The following FLNB variants were observed in gnomAD, a reference collection of about 807,000 sequenced individuals.
The protein encoded by FLNB is filamin-B.
Under a neutral mutation model 250.6 loss-of-function variants are expected in FLNB, and 111 were observed. That is an observed-to-expected ratio of 0.44 (90% CI 0.38 to 0.52). FLNB has a LOEUF of 0.52. Ranked by LOEUF, FLNB falls within the 20% of genes least tolerant of loss-of-function variation. The pLI is 0.00. For missense variants in FLNB, 2,869 were observed against 3,447.8 expected (o/e 0.83, Z 4.20); for synonymous variants, 1,302 against 1,372.1 (o/e 0.95, Z 1.13).
At chr3:58,166,997 G>A (rs1424988472) in intron 43 of FLNB, among the ~76,000 whole-genome samples, 2 of 152,014 alleles carry the variant, frequency 1.3e-5, no homozygotes, top group Non-Finnish European at 2.9e-5. Flanking sequence ...GCATGGTGGC[G>A]AGTGCCTGTA....
rs376511120 is a variant in FLNB, at chr3:58,121,312, G to A, written c.2935G>A (p.Val979Met). 196 of 1,614,176 alleles carry A rather than the reference G, an allele frequency of 1.2e-4. No individual in the cohort carries two copies. In the South Asian group the frequency reaches 1.3e-3, roughly 11 times the overall value. Reference protein sequence around the residue: ...RGAGGQGKLDVTILSPSRKVV... With the variant: ...RGAGGQGKLDMTILSPSRKVV... The stretch of plus-strand genomic sequence containing the variant: ...GGCAGGAGGCCAGGGGAAGCTGGAC[G>A]TGACAATCCTCAGCCCCTCTCGGAA... Residue 979 changes from valine to methionine, a missense_variant, in exon 20 of 46, where the codon GTG (valine) becomes ATG (methionine). Coordinates refer to ENST00000295956, the MANE Select transcript of FLNB (RefSeq NM_001457.4).
chr3:58,056,455 A>G (rs1199380757), intron 1 of FLNB, among the ~76,000 whole-genome samples: 2 of 152,042 alleles, frequency 1.3e-5, no homozygotes, highest in Non-Finnish European at 2.9e-5. Flanking sequence ...TATCAAATAC[A>G]ATGAAACACA....
chr3:58,147,193 G>T (rs1214738816), intron 34 of FLNB, among the ~76,000 whole-genome samples, 200 bp downstream of exon 34: 1 of 152,242 alleles, frequency 6.6e-6, no homozygotes, highest in Non-Finnish European at 1.5e-5. Context: ...CCAGGAAAAT[G>T]CGAGAGCTAG....
At chr3:58,049,195 T>A (rs899191483) in intron 1 of FLNB, among the ~76,000 whole-genome samples, 2 of 152,208 alleles carry the variant, frequency 1.3e-5, no homozygotes, top group African/African-American at 4.8e-5. Flanking sequence ...TAAATTAATA[T>A]GTAACTGATA....
intron 39 of FLNB, 72 bp downstream of exon 39, chr3:58,153,713 C>CT: frequency 6.4e-7 from 1 of 1,563,352 alleles, no homozygotes; most frequent in Non-Finnish European, 8.8e-7. Flanking sequence ...CACCCACATA[C>CT]TTTTTTGCCC....
chr3:58,055,455 G>C (rs1298408018), intron 1 of FLNB, among the ~76,000 whole-genome samples: 2 of 152,314 alleles, frequency 1.3e-5, no homozygotes, highest in African/African-American at 4.8e-5. Context: ...TGACTTCCAA[G>C]AGTCTGCGTG....
chr3:58,107,250 C>G (rs916911206), intron 12 of FLNB, among the ~76,000 whole-genome samples: 1 of 152,048 alleles, frequency 6.6e-6, no homozygotes, highest in Non-Finnish European at 1.5e-5. Flanking sequence ...AGGCTGGTCT[C>G]GAACTCCTGG....
At chr3:58,056,093 ATTTATTTATTTATTTT>A (rs1220543455) in intron 1 of FLNB, among the ~76,000 whole-genome samples, 10 of 131,246 alleles carry the variant, frequency 7.6e-5, no homozygotes, top group South Asian at 2.2e-4. Context: ...TTATTTATTT[ATTTATTTATTTATTTT>A]TTTTTTTTTT....
At chr3:58,120,292 C>G (rs1553700239) in intron 19 of FLNB, among the ~76,000 whole-genome samples, 1 of 152,222 alleles carries the variant, frequency 6.6e-6, no homozygotes, top group Non-Finnish European at 1.5e-5. Context: ...TCACTCCTTT[C>G]CCCAAGACAC....
In FLNB at chr3:58,159,606, G is replaced by A. The variant is rs1159876603; in HGVS notation, c.6941G>A (p.Gly2314Asp). ...GCATCCTTTGCTATAAGGTTGAATG[G>A]CGCAAAAGGCAAGATTGATGCAAAG... ...QPASFAIRLN[G>D]AKGKIDAKVH... is the part of the protein sequence containing the mutation. The change falls in exon 42 of 46, where the codon GGC becomes GAC. Residue 2314 changes from glycine (G) to aspartate (D), a missense_variant. Gly to Asp is a moderately conservative substitution (Grantham distance 94). Coordinates refer to ENST00000295956, the MANE Select transcript of FLNB (RefSeq NM_001457.4). 7 of 1,613,940 alleles carry A rather than the reference G, an allele frequency of 4.3e-6. No homozygotes were observed. The highest frequency in any genetic ancestry group is 5.1e-6 in the Non-Finnish European group (6 of 1,180,010).
At chr3:58,109,817 A>G (rs188482192) in intron 15 of FLNB, 118 bp downstream of exon 15, 2 of 1,453,248 alleles carry the variant, frequency 1.4e-6, no homozygotes, top group Non-Finnish European at 1.9e-6. Flanking sequence ...GTAATCATCT[A>G]CTGAGCCTCT....
intron 25 of FLNB, 55 bp downstream of exon 25, chr3:58,130,963 C>T: frequency 1.9e-6 from 3 of 1,539,744 alleles, no homozygotes; most frequent in Non-Finnish European, 2.7e-6. Context: ...GCAGGGGCAG[C>T]TGTAACCCAG....
intron 8 of FLNB, among the ~76,000 whole-genome samples, chr3:58,100,373 A>AAAAAAAAAAATATATATATATATATAT: frequency 4.8e-5 from 5 of 104,384 alleles, no homozygotes; most frequent in African/African-American, 2.3e-4. Context: ...GTAAAAAAAA[A>AAAAAAAAAAATATATATATATATATAT]ATATATATAT....
At chr3:58,009,555 G>A (rs2097095383) in intron 1 of FLNB, among the ~76,000 whole-genome samples, 1 of 152,166 alleles carries the variant, frequency 6.6e-6, no homozygotes, top group Admixed American at 6.5e-5. Flanking sequence ...AACAGTAATT[G>A]CTGTCTTGTA....
chr3:58,079,255 AT>A (rs11373019), intron 3 of FLNB, among the ~76,000 whole-genome samples: 77 of 146,220 alleles, frequency 5.3e-4, no homozygotes, highest in Admixed American at 6.8e-4. Context: ...AGGACTTAAA[AT>A]TTTTTTTTTT....
Position 58,148,186 on chromosome 3 carries a change from T to A in FLNB, c.5729-20T>A. On this transcript the variant is annotated intron_variant, in intron 34 of 45. Coordinates refer to ENST00000295956, the MANE Select transcript of FLNB (RefSeq NM_001457.4). ...GGTAACCACATGTAACGGGAGTCCT[T>A]TTTGGGGGATGTTTCCCAGATGACA... is the stretch of plus-strand genomic sequence containing the variant. The A allele has an allele frequency of 6.2e-7, 1 of 1,614,006 alleles. No homozygotes were observed. The highest frequency in any genetic ancestry group is 8.5e-7 in the Non-Finnish European group (1 of 1,179,912).
Position 58,146,803 on chromosome 3 carries a change from C to T in FLNB, c.5555-17C>T. ...ACTCTCTCCCTAACACCCCTGCATC[C>T]CTGTTCCCACTTGTAGGTGGTCTGG... On this transcript the variant is annotated splice_polypyrimidine_tract_variant and intron_variant, in intron 33 of 45. Coordinates refer to ENST00000295956, the MANE Select transcript of FLNB (RefSeq NM_001457.4). 1 of 1,614,068 alleles carries T rather than the reference C, an allele frequency of 6.2e-7. No homozygotes were observed. Among genetic ancestry groups the T allele is most frequent in the Non-Finnish European group, 8.5e-7 (1 of 1,179,928 alleles).
At chr3:58,053,194 A>T (rs1317678827) in intron 1 of FLNB, among the ~76,000 whole-genome samples, 1 of 152,226 alleles carries the variant, frequency 6.6e-6, no homozygotes, top group African/African-American at 2.4e-5. Flanking sequence ...CCCTTAAAAA[A>T]TGTGATAAAC....
At chr3:58,063,942 T>C (rs2097181869) in intron 1 of FLNB, among the ~76,000 whole-genome samples, 1 of 152,088 alleles carries the variant, frequency 6.6e-6, no homozygotes, top group South Asian at 2.1e-4. Context: ...CATAGCCTAA[T>C]ATGAGGGACA....
Sources: gnomAD v4.1 joint callset for allele counts (sites outside exome capture counted in the v4.1 genomes callset) on GRCh38, gnomAD v4.1.1 for gene constraint, MANE v1.5 for transcripts, NCBI Gene and HGNC (gene_info 2026-07-23, HGNC 2026-07-21) for gene names.